BANK1: variants seen among roughly 807,000 people sequenced by gnomAD.
BANK1 encodes B-cell scaffold protein with ankyrin repeats.
BANK1 carries 95 observed loss-of-function variants against 94.5 expected under a neutral mutation model. The observed-to-expected ratio is 1.00, with a 90% CI of 0.85 to 1.19. BANK1 has a LOEUF of 1.19. BANK1 is among the 50% of genes most tolerant of loss of function. The probability of loss-of-function intolerance (pLI) is 0.00; values close to 1 mark genes in which losing one functional copy is unlikely to be tolerated. For missense variants in BANK1, 987 were observed against 932.2 expected (o/e 1.06, Z -0.77); for synonymous variants, 334 against 308.4 (o/e 1.08, Z -0.87).
In BANK1 at chr4:101,883,634, G is replaced by A. The variant is rs575812721; in HGVS notation, c.904-11671G>A. Among the ~76,000 whole-genome samples, 10 of 152,298 alleles carry A rather than the reference G, an allele frequency of 6.6e-5. No individual in the cohort carries two copies. The South Asian group carries it at 2.1e-3, about 32-fold the overall frequency. ...GTTGGCTTTGATCACCCGTGCAGAG[G>A]ATGACTGTGTGCTGATGTGAGTGCT... is the stretch of plus-strand genomic sequence containing the variant. On this transcript the variant is annotated intron_variant, in intron 5 of 16. Transcript: ENST00000322953.
At chr4:101,832,323 C>A (rs1309871459) in intron 2 of BANK1, among the ~76,000 whole-genome samples, 1 of 152,058 alleles carries the variant, frequency 6.6e-6, no homozygotes, top group South Asian at 2.1e-4. Context: ...TTGTTTGTAT[C>A]TTTTTCCCAA....
rs1560682358 is a variant in BANK1 at position 102,007,150 on chromosome 4, A to ATATATATATATATAAAAAATATAT, written c.1207-14350_1207-14349insAAAAATATATTATATATATATATA. Reference sequence around the variant, plus strand: ...TATATATATAAAAAATATATTTTATATATATATATATATATATATAAAATC... The same window carrying ATATATATATATATAAAAAATATAT: ...TATATATATAAAAAATATATTTTATATATATATATATATAAAAAATATATTATATATATATATATATATAAAATC... On this transcript the variant is annotated intron_variant, in intron 7 of 16. Transcript: ENST00000322953. 5.3e-4 allele frequency among the ~76,000 whole-genome samples: 12 copies of ATATATATATATATAAAAAATATAT among 22,530 alleles called. No homozygotes were observed. In the South Asian group the frequency reaches 0.014, roughly 26 times the overall value. The allele number at this position is 22,530 out of a possible 152,430, so 14.8% of individuals were successfully genotyped here. A position where few individuals can be genotyped will look rare whatever the true frequency, so the allele number is the denominator to read the frequency against.
chr4:101,804,867 A>AT (rs757821197), intron 1 of BANK1, among the ~76,000 whole-genome samples: 1 of 152,080 alleles, frequency 6.6e-6, no homozygotes, highest in Non-Finnish European at 1.5e-5. Flanking sequence ...TTATATGGGG[A>AT]TTTTCAACTG....
chr4:101,818,808 G>C (rs572773325), intron 1 of BANK1, among the ~76,000 whole-genome samples: 1 of 150,994 alleles, frequency 6.6e-6, no homozygotes, highest in Non-Finnish European at 1.5e-5. Flanking sequence ...TATGCTATCT[G>C]TAGTTTCAGG....
chr4:101,978,300 T>C (rs977466220), intron 7 of BANK1, among the ~76,000 whole-genome samples: 2 of 152,104 alleles, frequency 1.3e-5, no homozygotes, highest in African/African-American at 4.8e-5. Flanking sequence ...ACCTGATCAT[T>C]TTATAAATGG....
intron 4 of BANK1, among the ~76,000 whole-genome samples, chr4:101,868,131 T>TGGGTTGGAGCA (rs1728146823): frequency 6.6e-6 from 1 of 151,964 alleles, no homozygotes; most frequent in African/African-American, 2.4e-5. Flanking sequence ...TGGAGCAAGG[T>TGGGTTGGAGCA]AGGTTGGAGG....
intron 7 of BANK1, among the ~76,000 whole-genome samples, chr4:101,995,469 G>A (rs1246152429): frequency 1.3e-5 from 2 of 152,148 alleles, no homozygotes; most frequent in Non-Finnish European, 2.9e-5. Context: ...CCAGTAATGG[G>A]ATTGCTGGGT....
chr4:101,812,801 A>G (rs1217463943), intron 1 of BANK1, among the ~76,000 whole-genome samples: 1 of 152,110 alleles, frequency 6.6e-6, no homozygotes, highest in Non-Finnish European at 1.5e-5. Flanking sequence ...TCATTATTTC[A>G]GTTCAGAAAA....
chr4:101,791,584 A>G (rs566086319), intron 1 of BANK1, among the ~76,000 whole-genome samples: 1 of 152,342 alleles, frequency 6.6e-6, no homozygotes, highest in East Asian at 1.9e-4. Context: ...TTTTTGAAGC[A>G]TTTCAAATGC....
chr4:102,025,014 GGTAA>G (rs1379037097), intron 8 of BANK1, among the ~76,000 whole-genome samples, 183 bp from the exon 9 acceptor site: 24 of 152,138 alleles, frequency 1.6e-4, no homozygotes, highest in African/African-American at 5.5e-4. Flanking sequence ...CTGTTCATTT[GGTAA>G]GTATTTTAAA....
At chr4:102,029,842 A>C in intron 9 of BANK1, 118 bp from the exon 10 acceptor site, 6 of 873,808 alleles carry the variant, frequency 6.9e-6, no homozygotes, top group Non-Finnish European at 1.1e-5. Flanking sequence ...CTTCTCTAAT[A>C]CTGTTTCCTA....
intron 10 of BANK1, among the ~76,000 whole-genome samples, chr4:102,031,363 C>T (rs575977456): frequency 6.6e-6 from 1 of 152,056 alleles, no homozygotes; most frequent in South Asian, 2.1e-4. Flanking sequence ...GATAAATTGC[C>T]AAAATTTTCT....
At chr4:101,887,718 C>G (rs971593531) in intron 5 of BANK1, among the ~76,000 whole-genome samples, 3 of 152,036 alleles carry the variant, frequency 2.0e-5, no homozygotes, top group African/African-American at 2.4e-5. Context: ...ATATGAAAAC[C>G]TAATCAATAA....
intron 13 of BANK1, among the ~76,000 whole-genome samples, chr4:102,064,846 A>G (rs1728537813): frequency 6.6e-6 from 1 of 152,188 alleles, no homozygotes; most frequent in African/African-American, 2.4e-5. Flanking sequence ...CTCTGAGCAA[A>G]ACAAAGAAGT....
intron 5 of BANK1, among the ~76,000 whole-genome samples, chr4:101,892,321 G>C (rs1282911600): frequency 2.0e-5 from 3 of 151,190 alleles, no homozygotes; most frequent in African/African-American, 7.3e-5. Context: ...AAATACATAT[G>C]CAAATGATTT....
chr4:101,862,451 A>G (rs1727914671), intron 3 of BANK1, 75 bp from the exon 4 acceptor site: 20 of 1,257,526 alleles, frequency 1.6e-5, no homozygotes, highest in Non-Finnish European at 2.1e-5. Context: ...CCTTAATTAT[A>G]AAGAAATGTA....
chr4:101,805,197 CAT>C (rs1304494721), intron 1 of BANK1, among the ~76,000 whole-genome samples: 1 of 152,014 alleles, frequency 6.6e-6, no homozygotes, highest in African/African-American at 2.4e-5. Context: ...TTAAAGCAAA[CAT>C]ATGGGCTGTT....
chr4:101,909,370 C>T (rs2148896751), intron 6 of BANK1, among the ~76,000 whole-genome samples: 1 of 152,222 alleles, frequency 6.6e-6, no homozygotes, highest in Non-Finnish European at 1.5e-5. Flanking sequence ...GGAAGAGGAA[C>T]ATCACACACC....
intron 2 of BANK1, among the ~76,000 whole-genome samples, chr4:101,836,630 T>C (rs1432029135): frequency 6.6e-6 from 1 of 152,252 alleles, no homozygotes; most frequent in South Asian, 2.1e-4. Flanking sequence ...TTGGTTTTTC[T>C]CTTTATTGAA....
Sources: allele counts gnomAD v4.1 joint callset (sites outside exome capture counted in the v4.1 genomes callset), GRCh38; gene constraint gnomAD v4.1.1; transcripts MANE v1.5; gene names NCBI Gene and HGNC (gene_info 2026-07-23, HGNC 2026-07-21).